Variants in SLC13A4 observed in about 807,000 individuals in gnomAD.
The protein encoded by SLC13A4 is solute carrier family 13 member 4.
SLC13A4 carries 28 observed loss-of-function variants against 72.7 expected under a neutral mutation model. The observed-to-expected ratio is 0.39, with a 90% CI of 0.29 to 0.53. The LOEUF (loss-of-function observed/expected upper bound fraction) is 0.53. SLC13A4 is among the 20% of genes least tolerant of loss of function. The pLI, the probability that SLC13A4 is intolerant of heterozygous loss-of-function variation, is 0.78. For missense variants in SLC13A4, 653 were observed against 788.0 expected, an observed-to-expected ratio of 0.83 and a Z score of 2.05; for synonymous variants, 312 against 325.5, an observed-to-expected ratio of 0.96 and a Z score of 0.45.
At chr7:135,723,573 G>A (rs536639840) in intron 1 of SLC13A4, among the ~76,000 whole-genome samples, 4 of 152,306 alleles carry the variant, frequency 2.6e-5, no homozygotes, top group Admixed American at 6.5e-5. Flanking sequence ...ATCAGGACTC[G>A]TGTCTGATTT....
chr7:135,682,782 C>G (rs558793719), intron 15 of SLC13A4, among the ~76,000 whole-genome samples: 23 of 152,312 alleles, frequency 1.5e-4, no homozygotes, highest in African/African-American at 5.5e-4. Flanking sequence ...CACCTGGTAC[C>G]TTTGAAAATT....
intron 2 of SLC13A4, among the ~76,000 whole-genome samples, chr7:135,717,557 C>T (rs904838673): frequency 7.9e-5 from 12 of 152,184 alleles, no homozygotes; most frequent in African/African-American, 2.4e-4. Flanking sequence ...GAAACTTCTC[C>T]GGGTCAGGAG....
rs1356541197 is a variant in SLC13A4 at position 135,692,335 on chromosome 7, G to A, written c.1211C>T (p.Ser404Phe). Residue 404 changes from serine to phenylalanine, a missense_variant, in exon 11 of 16, where the codon TCT (serine) becomes TTT (phenylalanine). By Grantham distance (155) the Ser-to-Phe change is radical. Coordinates refer to ENST00000682651, the MANE Select transcript of SLC13A4 (RefSeq NM_001318192.2). The part of the protein sequence containing the change: ...REPGFVPGWD[S>F]FFEKKGYRTD... ...TGATATCACTTACTTTTCAAAGAAA[G>A]AATCCCAGCCAGGGACAAAGCCAGG... is the stretch of plus-strand genomic sequence containing the variant. The A allele has an allele frequency of 3.1e-6, 5 of 1,612,714 alleles. No homozygotes were observed. Among genetic ancestry groups the A allele is most frequent in the Middle Eastern group, 1.7e-4 (1 of 6,058 alleles).
chr7:135,721,232 G>T (rs1056811069), intron 2 of SLC13A4, among the ~76,000 whole-genome samples, 163 bp downstream of exon 2: 7 of 152,178 alleles, frequency 4.6e-5, no homozygotes, highest in African/African-American at 1.7e-4. Context: ...AGGAATTCAG[G>T]GTCTAGAACT....
intron 2 of SLC13A4, among the ~76,000 whole-genome samples, chr7:135,709,352 A>C (rs1263668345): frequency 6.6e-6 from 1 of 151,684 alleles, no homozygotes; most frequent in Non-Finnish European, 1.5e-5. Flanking sequence ...TTTGAGGGTA[A>C]GTTACACACA....
intron 2 of SLC13A4, 128 bp from the exon 3 acceptor site, chr7:135,708,378 G>C: frequency 7.8e-7 from 1 of 1,274,014 alleles, no homozygotes; most frequent in South Asian, 1.4e-5. Context: ...AGGGGAGGCA[G>C]GGGGGTGAGG....
At chr7:135,715,021 TGTGA>T (rs1215210661) in intron 2 of SLC13A4, among the ~76,000 whole-genome samples, 10 of 151,870 alleles carry the variant, frequency 6.6e-5, no homozygotes, top group African/African-American at 1.2e-4. Context: ...TTTGTGTATA[TGTGA>T]GTGTGAATGT....
chr7:135,725,000 G>A (rs369020430), intron 1 of SLC13A4, among the ~76,000 whole-genome samples: 7 of 152,202 alleles, frequency 4.6e-5, no homozygotes, highest in African/African-American at 9.7e-5. Flanking sequence ...TCTGCTGGCT[G>A]TCAGGTCTCG....
intron 2 of SLC13A4, among the ~76,000 whole-genome samples, chr7:135,710,374 C>T (rs1269926631): frequency 6.6e-6 from 1 of 152,062 alleles, no homozygotes; most frequent in African/African-American, 2.4e-5. Flanking sequence ...CCAGCCTGGG[C>T]GACAGAGCGA....
intron 13 of SLC13A4, among the ~76,000 whole-genome samples, chr7:135,686,111 C>T (rs1368977562): frequency 1.3e-5 from 2 of 152,208 alleles, no homozygotes; most frequent in Non-Finnish European, 2.9e-5. Flanking sequence ...GCTTTTGAAA[C>T]CAGTTTATTT....
chr7:135,715,410 TGTGTGTATGAGTGTGTGAGC>T (rs1796408551), intron 2 of SLC13A4, among the ~76,000 whole-genome samples: 1 of 145,190 alleles, frequency 6.9e-6, no homozygotes, highest in Non-Finnish European at 1.5e-5. Context: ...TGTGTATGAG[TGTGTGTATGAGTGTGTGAGC>T]GTGTGTATGA....
Position 135,701,948 on chromosome 7 carries a change from A to G in SLC13A4, c.634-188T>C, listed in dbSNP as rs966925978. On this transcript the variant is annotated intron_variant, in intron 6 of 15. Coordinates refer to ENST00000682651, the MANE Select transcript of SLC13A4 (RefSeq NM_001318192.2). Reference sequence around the variant, plus strand: ...GCCTGCCCCGCCCAGCCTGGTGTCAAGTTCTCCACTTGAAGAGGCTTTGAA... The same window carrying G: ...GCCTGCCCCGCCCAGCCTGGTGTCAGGTTCTCCACTTGAAGAGGCTTTGAA... 3 of 546,238 alleles carry G rather than the reference A, an allele frequency of 5.5e-6. No individual in the cohort carries two copies. The African/African-American group carries it at 5.8e-5, about 11-fold the overall frequency. The allele number at this position is 546,238 out of a possible 1,614,324, so 33.8% of individuals were successfully genotyped here.
intron 1 of SLC13A4, among the ~76,000 whole-genome samples, chr7:135,723,001 A>T (rs1399086304): frequency 6.6e-6 from 1 of 152,186 alleles, no homozygotes; most frequent in Non-Finnish European, 1.5e-5. Context: ...TGTCCTGTGC[A>T]CTGTAAAAGA....
chr7:135,717,497 G>A (rs1039547947), intron 2 of SLC13A4, among the ~76,000 whole-genome samples: 1 of 152,268 alleles, frequency 6.6e-6, no homozygotes, highest in East Asian at 1.9e-4. Context: ...TCACTTCATA[G>A]GGCATTCTGT....
chr7:135,691,449 GT>G, intron 12 of SLC13A4, 98 bp downstream of exon 12: 1 of 534,384 alleles, frequency 1.9e-6, no homozygotes, highest in Non-Finnish European at 3.7e-6. Flanking sequence ...CGGGAGGGGG[GT>G]GGGAATCTGA....
chr7:135,715,188 AGT>A (rs1228158819), intron 2 of SLC13A4, among the ~76,000 whole-genome samples: 8 of 148,582 alleles, frequency 5.4e-5, no homozygotes, highest in South Asian at 2.2e-4. Flanking sequence ...TGGGTATATA[AGT>A]GTGTATGAGT....
At chr7:135,707,803 T>C (rs906954856) in intron 3 of SLC13A4, 8 of 231,582 alleles carry the variant, frequency 3.5e-5, no homozygotes, top group Non-Finnish European at 5.0e-5. Flanking sequence ...AGGAAACAGG[T>C]TGGGAAACAA....
rs564998624 is a variant in SLC13A4, at chr7:135,708,960, C to T, written c.229-710G>A. 7.6e-5 allele frequency among the ~76,000 whole-genome samples: 9 copies of T among 118,464 alleles called. No homozygotes were observed. In the South Asian group the frequency reaches 1.4e-3, roughly 18 times the overall value. 77.7% of individuals were successfully genotyped at this position (118,464 alleles called of 152,430 possible). A position where few individuals can be genotyped will look rare whatever the true frequency, so the allele number is the denominator to read the frequency against. On this transcript the variant is annotated intron_variant, in intron 2 of 15. Transcript: ENST00000682651. ...TTTTTTTTTTTGTGAGATGGAGTCT[C>T]GCTCTGTCGCCCAGGCTGGAGTGCA...
At chr7:135,701,897 C>T in intron 6 of SLC13A4, 137 bp from the exon 7 acceptor site, 1 of 731,690 alleles carries the variant, frequency 1.4e-6, no homozygotes, top group Non-Finnish European at 2.2e-6. Flanking sequence ...CCAGGGGGAG[C>T]ATATACACCA....
Sources: gnomAD v4.1 joint callset for allele counts (sites outside exome capture counted in the v4.1 genomes callset) on GRCh38, gnomAD v4.1.1 for gene constraint, MANE v1.5 for transcripts, NCBI Gene and HGNC (gene_info 2026-07-23, HGNC 2026-07-21) for gene names.